Variants in CMPK1 observed in about 807,000 individuals in gnomAD.
CMPK1 encodes UMP-CMP kinase.
CMPK1 carries 10 observed loss-of-function variants against 25.7 expected under a neutral mutation model. That is an observed-to-expected ratio of 0.39 (90% CI 0.24 to 0.66). CMPK1 has a LOEUF of 0.66. CMPK1 is among the 30% of genes least tolerant of loss of function. CMPK1 has a pLI of 0.48. For synonymous variants in CMPK1, 106 were observed against 101.5 expected (o/e 1.04, Z -0.27); for missense variants, 199 against 280.5 (o/e 0.71, Z 2.08).
chr1:47,364,426 T>TC (rs1249986971), intron 1 of CMPK1, among the ~76,000 whole-genome samples: 2 of 151,474 alleles, frequency 1.3e-5, no homozygotes, highest in East Asian at 3.9e-4. Flanking sequence ...CACGCCATTC[T>TC]CCTGCCTCAG....
Position 47,334,752 on chromosome 1 carries a change from C to CCGGG in CMPK1, c.171+637_171+640dup, listed in dbSNP as rs370031464. On this transcript the variant is annotated intron_variant, in intron 1 of 5. Coordinates refer to ENST00000371873, the MANE Select transcript of CMPK1 (RefSeq NM_016308.3). ...CGGCCCGGGTCGGGGATGGGGAAAG[C>CCGGG]CGGGAGTGCTGTTCTGAGATCAAGC... 3.0e-4 allele frequency among the ~76,000 whole-genome samples: 46 copies of CCGGG among 152,290 alleles called. 1 individual carries two copies. The highest frequency in any genetic ancestry group is 3.4e-3 in the Middle Eastern group (1 of 294).
chr1:47,365,574 T>C (rs1452654569), intron 1 of CMPK1, among the ~76,000 whole-genome samples: 1 of 140,014 alleles, frequency 7.1e-6, no homozygotes, highest in Non-Finnish European at 1.5e-5. Flanking sequence ...GTGGAGGTTA[T>C]AGTGAGCTGA....
intron 1 of CMPK1, among the ~76,000 whole-genome samples, chr1:47,343,779 C>G (rs530544550): frequency 6.6e-6 from 1 of 151,642 alleles, no homozygotes; most frequent in Non-Finnish European, 1.5e-5. Flanking sequence ...TCCAGCTACT[C>G]AGGAGGCTGA....
At chr1:47,342,940 G>T (rs1402460097) in intron 1 of CMPK1, among the ~76,000 whole-genome samples, 1 of 150,724 alleles carries the variant, frequency 6.6e-6, no homozygotes, top group African/African-American at 2.4e-5. Flanking sequence ...AAGCCACTGC[G>T]CCCGGCAATT....
chr1:47,344,503 CTT>C (rs550380651), intron 1 of CMPK1, among the ~76,000 whole-genome samples: 6 of 144,404 alleles, frequency 4.2e-5, no homozygotes, highest in East Asian at 2.0e-4. Context: ...ATTATTTTTT[CTT>C]TTTTTTTTTT....
intron 1 of CMPK1, among the ~76,000 whole-genome samples, chr1:47,355,788 G>C (rs746961181): frequency 6.6e-6 from 1 of 151,752 alleles, no homozygotes; most frequent in African/African-American, 2.4e-5. Flanking sequence ...TGTATTTTTA[G>C]TAGAGACAGG....
chr1:47,344,117 G>C (rs1230147874), intron 1 of CMPK1, among the ~76,000 whole-genome samples: 1 of 150,696 alleles, frequency 6.6e-6, no homozygotes, highest in East Asian at 1.9e-4. Context: ...TTACAATGTA[G>C]TGAGGAAACA....
intron 5 of CMPK1, 140 bp downstream of exon 5, chr1:47,375,433 A>C: frequency 6.8e-6 from 4 of 585,668 alleles, no homozygotes; most frequent in Admixed American, 3.5e-5. Context: ...ATGGTGGCTC[A>C]TGCTTGTAAT....
intron 1 of CMPK1, chr1:47,358,433 C>T (rs944816626): frequency 8.3e-7 from 1 of 1,200,202 alleles, no homozygotes. Flanking sequence ...GAAGTTTGTT[C>T]TTCAAGAGAT....
At chr1:47,336,866 A>G (rs189380067) in intron 1 of CMPK1, among the ~76,000 whole-genome samples, 175 of 152,352 alleles carry the variant, frequency 1.1e-3, no homozygotes, top group African/African-American at 4.1e-3. Context: ...CTTTTAAATT[A>G]CTTTATGCGT....
Position 47,333,795 on chromosome 1 carries a change from C to G in CMPK1, c.-151C>G, listed in dbSNP as rs1218283536. 4.0e-6 allele frequency: 1 copy of G among 251,994 alleles called. No homozygotes were observed. The highest frequency in any genetic ancestry group is 2.3e-5 in the African/African-American group (1 of 43,238). The allele number at this position is 251,994 out of a possible 1,614,324, so 15.6% of individuals were successfully genotyped here. A position where few individuals can be genotyped will look rare whatever the true frequency, so the allele number is the denominator to read the frequency against. The stretch of plus-strand genomic sequence containing the variant: ...GCCGCCGTGCGAAGCTCCTCCCCTT[C>G]CGACAGGGCCGCGGACGCCCGGGCA... On this transcript the variant is annotated 5_prime_UTR_variant, in exon 1 of 6. Transcript: ENST00000371873.
At position 47,351,040 on chromosome 1, in the gene CMPK1, T is replaced by G. The variant is rs78175292; in HGVS notation, c.171+16924T>G. 2.8e-3 allele frequency among the ~76,000 whole-genome samples: 433 copies of G among 152,322 alleles called. 1 individual carries two copies. The highest frequency in any genetic ancestry group is 1.0e-2 in the African/African-American group (415 of 41,568). On this transcript the variant is annotated intron_variant, in intron 1 of 5. Transcript: ENST00000371873. ...TCATATAAGTAGAATTATATGATACTTGTCATTTTGTGTCTGGCTTATTTT... is the reference window on the plus strand; with the variant it reads ...TCATATAAGTAGAATTATATGATACGTGTCATTTTGTGTCTGGCTTATTTT...
In CMPK1 at chr1:47,372,947, T is replaced by C; in HGVS notation, c.319-8T>C. On this transcript the variant is annotated splice_region_variant and splice_polypyrimidine_tract_variant and intron_variant, in intron 2 of 5. Coordinates refer to ENST00000371873, the MANE Select transcript of CMPK1 (RefSeq NM_016308.3). ...TTGTATTGAACCTAAATCTTCTTTT[T>C]CCTTTAGGAAATGGATCAGACAATG... The C allele has an allele frequency of 1.2e-6, 2 of 1,602,146 alleles. No homozygotes were observed. The highest frequency in any genetic ancestry group is 4.5e-5 in the East Asian group (2 of 44,778).
Position 47,375,217 on chromosome 1 carries a change from C to A in CMPK1, c.569C>A (p.Ser190Ter). Reference sequence around the variant, plus strand: ...TGCAGAATTCAGACCTACCTTCAGTCAACAAAGCCAATTATTGACTTATAT... The same window carrying A: ...TGCAGAATTCAGACCTACCTTCAGTAAACAAAGCCAATTATTGACTTATAT... ...LEKRIQTYLQ[S>*]TKPIIDLYEE... The change falls in exon 5 of 6, where the codon TCA becomes TAA. Residue 190 changes from serine (S) to a stop codon, truncating the protein, a stop_gained. Transcript: ENST00000371873. LOFTEE classifies it high-confidence loss of function. 1.2e-6 allele frequency: 2 copies of A among 1,610,024 alleles called. No individual in the cohort carries two copies. The highest frequency in any genetic ancestry group is 2.2e-5 in the South Asian group (2 of 90,052).
chr1:47,358,451 G>T (rs973124568), intron 1 of CMPK1: 54 of 1,185,234 alleles, frequency 4.6e-5, no homozygotes, highest in Middle Eastern at 7.6e-4. Flanking sequence ...GATTCTTCTA[G>T]TTGTAACATC....
At chr1:47,345,526 C>G (rs1646476732) in intron 1 of CMPK1, among the ~76,000 whole-genome samples, 1 of 149,526 alleles carries the variant, frequency 6.7e-6, no homozygotes, top group Non-Finnish European at 1.5e-5. Context: ...CAGAGTCTCA[C>G]TCTGTTGCCC....
chr1:47,360,266 A>C (rs1239305357), intron 1 of CMPK1, among the ~76,000 whole-genome samples: 1 of 152,176 alleles, frequency 6.6e-6, no homozygotes, highest in Non-Finnish European at 1.5e-5. Context: ...ATTGATTCAA[A>C]ATGGCTGAGA....
At chr1:47,368,841 G>T (rs920008416) in intron 2 of CMPK1, among the ~76,000 whole-genome samples, 4 of 152,062 alleles carry the variant, frequency 2.6e-5, no homozygotes, top group Non-Finnish European at 5.9e-5. Context: ...TATGCCTGTA[G>T]TCCCAGCTGC....
chr1:47,354,686 A>G (rs1646547245), intron 1 of CMPK1, among the ~76,000 whole-genome samples: 1 of 146,636 alleles, frequency 6.8e-6, no homozygotes, highest in African/African-American at 2.5e-5. Context: ...CATAATATGC[A>G]CAATAGTTTA....
Sources: gnomAD v4.1 joint callset for allele counts (sites outside exome capture counted in the v4.1 genomes callset) on GRCh38, gnomAD v4.1.1 for gene constraint, MANE v1.5 for transcripts, NCBI Gene and HGNC (gene_info 2026-07-23, HGNC 2026-07-21) for gene names.